TYW1B: variants seen among roughly 807,000 people sequenced by gnomAD.
TYW1B encodes tRNA-yW synthesizing protein 1 homolog B, also known as S-adenosyl-L-methionine-dependent tRNA 4-demethylwyosine synthase TYW1B.
A neutral mutation model predicts 86.9 loss-of-function variants in TYW1B; 73 were observed. The ratio of observed to expected loss-of-function variants is 0.84; its 90% CI spans 0.70 to 1.02. The LOEUF (loss-of-function observed/expected upper bound fraction) is 1.02, where lower values mean the gene tolerates loss of function less well. Ranked by LOEUF, TYW1B falls within the 50% of genes least tolerant of loss-of-function variation. The pLI is 0.00. For synonymous variants in TYW1B, 248 were observed against 292.8 expected (o/e 0.85, Z 1.56); for missense variants, 637 against 827.4 (o/e 0.77, Z 2.82).
At chr7:72,818,572 C>A (rs1409113847) in intron 2 of TYW1B, among the ~76,000 whole-genome samples, 6 of 120,252 alleles carry the variant, frequency 5.0e-5, no homozygotes, top group African/African-American at 2.3e-4. Flanking sequence ...AAGCGAGACT[C>A]CATCTCAAAA....
At chr7:72,694,080 C>T (rs1487713533) in intron 11 of TYW1B, among the ~76,000 whole-genome samples, 1 of 152,144 alleles carries the variant, frequency 6.6e-6, no homozygotes, top group African/African-American at 2.4e-5. Flanking sequence ...CCTGCCTCAG[C>T]CTCCCAAACA....
At chr7:72,657,179 T>C (rs1344677357) in intron 11 of TYW1B, among the ~76,000 whole-genome samples, 1 of 152,128 alleles carries the variant, frequency 6.6e-6, no homozygotes, top group Non-Finnish European at 1.5e-5. Context: ...TCAGAAATCT[T>C]GGAACAGAAG....
chr7:72,576,497 T>A (rs1811024231), intron 13 of TYW1B, among the ~76,000 whole-genome samples: 1 of 151,074 alleles, frequency 6.6e-6, no homozygotes, highest in Non-Finnish European at 1.5e-5. Context: ...CAAGTACTTG[T>A]CATGCCACTG....
intron 11 of TYW1B, among the ~76,000 whole-genome samples, chr7:72,641,419 C>T (rs1254086332): frequency 6.6e-6 from 1 of 152,160 alleles, no homozygotes; most frequent in Admixed American, 6.5e-5. Flanking sequence ...CAGAAAAAGA[C>T]ATCACCAGAA....
intron 9 of TYW1B, among the ~76,000 whole-genome samples, chr7:72,726,258 A>G (rs1189334589): frequency 2.0e-5 from 3 of 152,224 alleles, no homozygotes; most frequent in Non-Finnish European, 4.4e-5. Flanking sequence ...GCATCTTTGT[A>G]AATGTACAAA....
chr7:72,645,982 T>A (rs1403510784), intron 11 of TYW1B, among the ~76,000 whole-genome samples: 2 of 148,354 alleles, frequency 1.3e-5, no homozygotes, highest in African/African-American at 4.9e-5. Context: ...ATATATTACA[T>A]ATGTTATATG....
At chr7:72,654,457 T>C (rs1173021838) in intron 11 of TYW1B, among the ~76,000 whole-genome samples, 1 of 152,156 alleles carries the variant, frequency 6.6e-6, no homozygotes, top group Non-Finnish European at 1.5e-5. Context: ...CTGTCCAGCC[T>C]AGAGAAGCCT....
At chr7:72,592,160 TAAAAAAA>T (rs56146824) in intron 13 of TYW1B, among the ~76,000 whole-genome samples, 12,846 of 103,338 alleles carry the variant, frequency 0.12, 667 homozygotes, top group Middle Eastern at 0.14. Context: ...ACTAATGTGT[TAAAAAAA>T]AAAAAAAAAA....
chr7:72,673,005 C>A (rs1352605016), intron 11 of TYW1B, among the ~76,000 whole-genome samples: 1 of 152,168 alleles, frequency 6.6e-6, no homozygotes, highest in African/African-American at 2.4e-5. Flanking sequence ...CCCATCTCTA[C>A]TAAAAATACA....
intron 11 of TYW1B, among the ~76,000 whole-genome samples, chr7:72,653,568 C>T (rs1388121943): frequency 2.0e-5 from 3 of 151,780 alleles, no homozygotes; most frequent in African/African-American, 7.3e-5. Flanking sequence ...GATCATGCCA[C>T]TGCACTCCAG....
chr7:72,788,133 A>C (rs1279889301), intron 6 of TYW1B, among the ~76,000 whole-genome samples: 2 of 151,826 alleles, frequency 1.3e-5, no homozygotes, highest in Non-Finnish European at 2.9e-5. Flanking sequence ...GCCTGCCACC[A>C]CACCTGGCTA....
intron 13 of TYW1B, among the ~76,000 whole-genome samples, chr7:72,583,224 C>T (rs1554429855): frequency 2.0e-5 from 3 of 152,106 alleles, no homozygotes; most frequent in African/African-American, 7.2e-5. Context: ...CTGGCAGCCT[C>T]CTGCAGTCCC....
intron 4 of TYW1B, among the ~76,000 whole-genome samples, chr7:72,809,118 C>T (rs1186130506): frequency 6.8e-6 from 1 of 148,034 alleles, no homozygotes; most frequent in Non-Finnish European, 1.5e-5. Context: ...TCTCGGCTCA[C>T]TGCAATCTCC....
chr7:72,602,833 A>AACACACACACACACAC lies in TYW1B; in HGVS notation c.1785+13823_1785+13838dup, dbSNP rs55709140. ...GTAGTGCCAGAAAGAAAGTGCTCAA[A>AACACACACACACACAC]ACACACACACACACACACACACACA... On this transcript the variant is annotated intron_variant, in intron 13 of 13. Transcript: ENST00000620995. Among the ~76,000 whole-genome samples, 177 of 128,104 alleles carry AACACACACACACACAC rather than the reference A, an allele frequency of 1.4e-3. 1 individual carries two copies. The highest frequency in any genetic ancestry group is 6.0e-3 in the East Asian group (23 of 3,808). The allele number at this position is 128,104 out of a possible 152,430, so 84.0% of individuals were successfully genotyped here. A position where few individuals can be genotyped will look rare whatever the true frequency, so the allele number is the denominator to read the frequency against.
At chr7:72,634,813 A>G (rs1356511578) in intron 11 of TYW1B, among the ~76,000 whole-genome samples, 7 of 152,134 alleles carry the variant, frequency 4.6e-5, no homozygotes, top group African/African-American at 1.7e-4. Flanking sequence ...AATGTCTTGA[A>G]TATGTCTCTG....
intron 7 of TYW1B, among the ~76,000 whole-genome samples, chr7:72,748,509 C>A (rs1554464299): frequency 6.9e-6 from 1 of 145,872 alleles, no homozygotes; most frequent in Non-Finnish European, 1.5e-5. Flanking sequence ...GAGTGGTGAA[C>A]GCAGACATAC....
chr7:72,765,218 C>T (rs1345976936), intron 7 of TYW1B, among the ~76,000 whole-genome samples: 2 of 152,104 alleles, frequency 1.3e-5, no homozygotes, highest in Admixed American at 6.5e-5. Flanking sequence ...TAAAATCTGC[C>T]CTGGTTTGGC....
At chr7:72,739,785 C>T (rs1554461731) in intron 8 of TYW1B, among the ~76,000 whole-genome samples, 1 of 143,286 alleles carries the variant, frequency 7.0e-6, no homozygotes, top group East Asian at 2.0e-4. Flanking sequence ...CACCTGCATG[C>T]GCCTGGGATT....
intron 9 of TYW1B, among the ~76,000 whole-genome samples, chr7:72,718,810 G>A (rs552241421): frequency 3.3e-5 from 5 of 152,126 alleles, no homozygotes; most frequent in Non-Finnish European, 7.4e-5. Flanking sequence ...TGAGTAGAAA[G>A]GCAGGTTGAA....
Sources: gnomAD v4.1 joint callset for allele counts (sites outside exome capture counted in the v4.1 genomes callset) on GRCh38, gnomAD v4.1.1 for gene constraint, MANE v1.5 for transcripts, NCBI Gene and HGNC (gene_info 2026-07-23, HGNC 2026-07-21) for gene names.